OTOG: variants seen among roughly 807,000 people sequenced by gnomAD.
The protein encoded by OTOG is otogelin.
A neutral mutation model predicts 313.8 loss-of-function variants in OTOG; 296 were observed. The ratio of observed to expected loss-of-function variants is 0.94; its 90% CI spans 0.86 to 1.04. The LOEUF is 1.04. Ranked by LOEUF, OTOG falls within the 50% of genes least tolerant of loss-of-function variation. OTOG has a pLI of 0.00. For missense variants in OTOG, 3,948 were observed against 3,840.1 expected (o/e 1.03, Z -0.74); for synonymous variants, 1,533 against 1,554.9 (o/e 0.99, Z 0.33).
At chr11:17,571,091 A>G (rs1383839499) in intron 17 of OTOG, among the ~76,000 whole-genome samples, 1 of 152,244 alleles carries the variant, frequency 6.6e-6, no homozygotes, top group African/African-American at 2.4e-5. Context: ...AGAAGGAAAC[A>G]GGGAAGGCAT....
rs1315073198 is a variant in OTOG, at chr11:17,613,614, G to A, written c.6441G>A (p.Gly2147=). The change falls in exon 39 of 56, where the codon GGG becomes GGA. Residue 2147 remains glycine (G), a splice_region_variant and synonymous_variant. Coordinates refer to ENST00000399397, the MANE Select transcript of OTOG (RefSeq NM_001292063.2). ...TGAGGGCTGGGTTCTCTCTGCAGGG[G>A]CACCTGAACTGGCCCCCGTTCTGTC... ...HVLDCKSANL[G]HLNWPPFCLV... 1.7e-5 allele frequency: 27 copies of A among 1,550,350 alleles called. No homozygotes were observed. The highest frequency in any genetic ancestry group is 2.1e-5 in the Non-Finnish European group (24 of 1,146,952).
At chr11:17,642,008 C>A (rs1847986076) in intron 52 of OTOG, 57 bp downstream of exon 52, 1 of 1,531,906 alleles carries the variant, frequency 6.5e-7, no homozygotes, top group African/African-American at 1.4e-5. Context: ...GACACCAGGA[C>A]TAGGGCCCTC....
chr11:17,631,750 C>T lies in OTOG; in HGVS notation c.6761C>T (p.Ser2254Leu), dbSNP rs1042733206. 13 of 1,550,500 alleles carry T rather than the reference C, an allele frequency of 8.4e-6. No homozygotes were observed. The highest frequency in any genetic ancestry group is 1.0e-5 in the Non-Finnish European group (12 of 1,147,014). ...AANDLTLKDGSVVGGAEDPAP... is the reference protein window; with the variant it reads ...AANDLTLKDGLVVGGAEDPAP... ...AATGACCTTACCCTGAAGGATGGCT[C>T]AGTGGTGGGTGGGGCTGAGGACCCT... is the stretch of plus-strand genomic sequence containing the variant. Residue 2254 changes from serine to leucine, a missense_variant, in exon 41 of 56, where the codon TCA becomes TTA. By Grantham distance (145) the Ser-to-Leu change is moderately radical. Coordinates refer to ENST00000399397, the MANE Select transcript of OTOG (RefSeq NM_001292063.2).
intron 33 of OTOG, 103 bp downstream of exon 33, chr11:17,606,238 G>T: frequency 7.3e-7 from 1 of 1,368,660 alleles, no homozygotes; most frequent in Non-Finnish European, 9.6e-7. Flanking sequence ...CTAAGAAGCA[G>T]AATCCTCCTT....
intron 39 of OTOG, among the ~76,000 whole-genome samples, chr11:17,614,896 T>C (rs979458113): frequency 6.6e-6 from 1 of 152,214 alleles, no homozygotes; most frequent in African/African-American, 2.4e-5. Context: ...AGGAGTAGAT[T>C]CCCGTGTTGA....
chr11:17,603,194 C>T (rs912852992), intron 32 of OTOG, among the ~76,000 whole-genome samples: 11 of 152,102 alleles, frequency 7.2e-5, no homozygotes, highest in African/African-American at 2.7e-4. Flanking sequence ...TGGTACCTGG[C>T]AGAATCACGT....
intron 32 of OTOG, 75 bp from the exon 33 acceptor site, chr11:17,605,782 T>A (rs1201112529): frequency 2.1e-6 from 3 of 1,443,748 alleles, no homozygotes; most frequent in East Asian, 5.0e-5. Context: ...AGAGAGCAGA[T>A]GTGTGCCAGG....
At chr11:17,591,140 T>C (rs1226176626) in intron 24 of OTOG, among the ~76,000 whole-genome samples, 2 of 152,226 alleles carry the variant, frequency 1.3e-5, no homozygotes, top group Non-Finnish European at 2.9e-5. Context: ...AGGCACCTAA[T>C]ATTTGTAGAA....
intron 53 of OTOG, 121 bp from the exon 54 acceptor site, chr11:17,643,340 T>C: frequency 1.6e-6 from 1 of 631,680 alleles, no homozygotes; most frequent in Non-Finnish European, 2.4e-6. Flanking sequence ...GCTCCTGCCC[T>C]GGGGCATCAC....
Position 17,629,318 on chromosome 11 carries a change from T to C in OTOG, c.6712+2T>C. ...AGGCCCAGGGCCATGGCCTGTGCGG[T>C]GAGGTGGAACCCAGCTTGCGGGGAG... On this transcript the variant is annotated splice_donor_variant, in intron 40 of 55. Transcript: ENST00000399397. LOFTEE classifies it high-confidence loss of function. The C allele has an allele frequency of 6.5e-7, 1 of 1,547,952 alleles. No homozygotes were observed. The highest frequency in any genetic ancestry group is 8.7e-7 in the Non-Finnish European group (1 of 1,145,820).
chr11:17,639,675 G>A (rs534057059), intron 49 of OTOG, among the ~76,000 whole-genome samples: 4 of 152,296 alleles, frequency 2.6e-5, no homozygotes, highest in Non-Finnish European at 4.4e-5. Flanking sequence ...TTGTGGTAAG[G>A]ATTAAGTACA....
intron 40 of OTOG, among the ~76,000 whole-genome samples, chr11:17,630,385 C>T (rs1854093916): frequency 1.3e-5 from 2 of 152,146 alleles, no homozygotes; most frequent in Non-Finnish European, 2.9e-5. Context: ...CCCTAGGATA[C>T]CTTTGGGACA....
rs989667402 is a variant in OTOG, at chr11:17,643,522, G to A, written c.8461+16G>A. 2 of 1,425,066 alleles carry A rather than the reference G, an allele frequency of 1.4e-6. No homozygotes were observed. The highest frequency in any genetic ancestry group is 2.9e-5 in the East Asian group (1 of 34,314). 88.3% of individuals were successfully genotyped at this position (1,425,066 alleles called of 1,614,324 possible). A position where few individuals can be genotyped will look rare whatever the true frequency, so the allele number is the denominator to read the frequency against. ...TGCAGGACCTGTGAGTGAGCATGGT[G>A]GGGGCCCAGGGGTGGGGGGCTCTGA... is the stretch of plus-strand genomic sequence containing the variant. On this transcript the variant is annotated intron_variant, in intron 54 of 55. Coordinates refer to ENST00000399397, the MANE Select transcript of OTOG (RefSeq NM_001292063.2).
rs1200514906 is a variant in OTOG at position 17,576,793 on chromosome 11, G to T, written c.2562-75G>T. ...GTCTTTCTGAACTCTGCAGTGACCC[G>T]AGTGCAGCAACATGGGGTGTCTGGG... On this transcript the variant is annotated intron_variant, in intron 21 of 55. Transcript: ENST00000399397. The T allele has an allele frequency of 3.9e-6, 6 of 1,521,768 alleles. No individual in the cohort carries two copies. The African/African-American group carries it at 5.5e-5, about 14-fold the overall frequency. The allele number at this position is 1,521,768 out of a possible 1,614,324, so 94.3% of individuals were successfully genotyped here. A position where few individuals can be genotyped will look rare whatever the true frequency, so the allele number is the denominator to read the frequency against.
rs1853090160 is a variant in OTOG at position 17,595,992 on chromosome 11, G to T, written c.3409-46G>T. 3.0e-6 allele frequency: 4 copies of T among 1,327,392 alleles called. No homozygotes were observed. In the East Asian group the frequency reaches 1.0e-4, roughly 33 times the overall value. 82.2% of individuals were successfully genotyped at this position (1,327,392 alleles called of 1,614,324 possible). The stretch of plus-strand genomic sequence containing the variant: ...ATCTGTCTGTCATGTCAGGCAACAG[G>T]CATTTGGCAAGTAGGGAGGTCAACA... On this transcript the variant is annotated intron_variant, in intron 28 of 55. Coordinates refer to ENST00000399397, the MANE Select transcript of OTOG (RefSeq NM_001292063.2).
At chr11:17,557,586 T>C (rs927847634) in intron 8 of OTOG, among the ~76,000 whole-genome samples, 1 of 152,094 alleles carries the variant, frequency 6.6e-6, no homozygotes, top group Non-Finnish European at 1.5e-5. Flanking sequence ...TAATAGACAC[T>C]TTGCAGGTGG....
chr11:17,567,611 T>C (rs1020492124), intron 15 of OTOG, among the ~76,000 whole-genome samples: 1 of 152,192 alleles, frequency 6.6e-6, no homozygotes, highest in Admixed American at 6.5e-5. Context: ...GCCAAAGGAC[T>C]GGAGTTACAG....
At chr11:17,641,219 A>C in intron 51 of OTOG, 128 bp downstream of exon 51, 1 of 1,047,284 alleles carries the variant, frequency 9.5e-7, no homozygotes, top group Non-Finnish European at 1.4e-6. Flanking sequence ...AGGGGCCCTC[A>C]GAAACCTCTG....
At chr11:17,645,349 C>G (rs1848051769) in intron 54 of OTOG, among the ~76,000 whole-genome samples, 1 of 152,232 alleles carries the variant, frequency 6.6e-6, no homozygotes, top group African/African-American at 2.4e-5. Context: ...GCCTCACTTG[C>G]TCACACTGCT....
Sources: allele counts gnomAD v4.1 joint callset (sites outside exome capture counted in the v4.1 genomes callset), GRCh38; gene constraint gnomAD v4.1.1; transcripts MANE v1.5; gene names NCBI Gene and HGNC (gene_info 2026-07-23, HGNC 2026-07-21).